CIITA: variants seen among roughly 807,000 people sequenced by gnomAD.
CIITA encodes MHC class II transactivator.
A neutral mutation model predicts 115.1 loss-of-function variants in CIITA; 72 were observed. The observed-to-expected ratio is 0.63, with a 90% CI of 0.52 to 0.76. The LOEUF (loss-of-function observed/expected upper bound fraction) is 0.76. Ranked by LOEUF, CIITA falls within the 30% of genes least tolerant of loss-of-function variation. The pLI, the probability that CIITA is intolerant of heterozygous loss-of-function variation, is 0.00. For synonymous variants in CIITA, 763 were observed against 635.6 expected (o/e 1.20, Z -3.02); for missense variants, 1,617 against 1,463.8 (o/e 1.10, Z -1.71).
intron 13 of CIITA, among the ~76,000 whole-genome samples, chr16:10,914,201 A>C (rs1371535468): frequency 6.6e-6 from 1 of 152,162 alleles, no homozygotes; most frequent in Admixed American, 6.5e-5. Context: ...TTAACAACGA[A>C]TGCCTTAATC....
In CIITA at chr16:10,879,959, C is replaced by A. The variant is rs1341109186; in HGVS notation, c.52+2577C>A. Reference sequence around the variant, plus strand: ...GCATGGCTCCCTCCCCAGCCGCAGCCTGGAGTGTCTAACTTTGGCAGGAAG... The same window carrying A: ...GCATGGCTCCCTCCCCAGCCGCAGCATGGAGTGTCTAACTTTGGCAGGAAG... On this transcript the variant is annotated intron_variant, in intron 1 of 19. Transcript: ENST00000324288. This position sits in a 1 kb window ranked among gnomAD's most constrained non-coding sequence, Gnocchi z 4.3. Among the ~76,000 whole-genome samples the A allele has an allele frequency of 6.6e-6, 1 of 152,208 alleles. No homozygotes were observed. Among genetic ancestry groups the A allele is most frequent in the Non-Finnish European group, 1.5e-5 (1 of 68,026 alleles).
chr16:10,866,222 G>A (rs1024498160), upstream of CIITA: 3 of 449,988 alleles, frequency 6.7e-6, no homozygotes, highest in Non-Finnish European at 1.3e-5. Context: ...TGTTTTGGAT[G>A]CTGCATGCTG....
At chr16:10,919,498 G>A (rs1370052843) in intron 16 of CIITA, among the ~76,000 whole-genome samples, 1 of 124,784 alleles carries the variant, frequency 8.0e-6, no homozygotes, top group African/African-American at 2.7e-5. Flanking sequence ...ACCATGCCCG[G>A]CCAACTTATT....
chr16:10,880,960 C>T (rs986903825), intron 1 of CIITA, among the ~76,000 whole-genome samples: 1 of 152,080 alleles, frequency 6.6e-6, no homozygotes, highest in East Asian at 1.9e-4. Flanking sequence ...TATTATAGAT[C>T]CTAAAGGGAT....
chr16:10,882,881 G>C (rs1043490304), intron 1 of CIITA, among the ~76,000 whole-genome samples: 1 of 152,190 alleles, frequency 6.6e-6, no homozygotes, highest in Non-Finnish European at 1.5e-5. Context: ...TGGGCAACAA[G>C]AGTGAAACTC....
chr16:10,916,261 G>A, intron 14 of CIITA, 106 bp from the exon 15 acceptor site: 1 of 974,580 alleles, frequency 1.0e-6, no homozygotes. Flanking sequence ...TAGAGCTGGG[G>A]GGTGGGAAGG....
rs756389610 is a variant in CIITA at position 10,928,142 on chromosome 16, A to C, written c.*4287A>C. The C allele has an allele frequency of 6.6e-6, 1 of 151,638 alleles. No individual in the cohort carries two copies. The highest frequency in any genetic ancestry group is 1.5e-5 in the Non-Finnish European group (1 of 67,942). The allele number at this position is 151,638 out of a possible 1,614,324, so 9.4% of individuals were successfully genotyped here. A position where few individuals can be genotyped will look rare whatever the true frequency, so the allele number is the denominator to read the frequency against. On this transcript the variant is annotated 3_prime_UTR_variant, in exon 20 of 20. Coordinates refer to ENST00000324288, the MANE Select transcript of CIITA (RefSeq NM_000246.4). ...CTCCCCCCAGAGTTCTGCCGCCTGT[A>C]CTCTCCCACACCTCAGTCTCCTCGC...
Position 10,909,125 on chromosome 16 carries a change from G to C in CIITA, c.2754G>C (p.Glu918Asp). 6.2e-7 allele frequency: 1 copy of C among 1,614,210 alleles called. No individual in the cohort carries two copies. The highest frequency in any genetic ancestry group is 1.1e-5 in the South Asian group (1 of 91,086). Residue 918 changes from glutamate to aspartate, a missense_variant, in exon 12 of 20, where the codon GAG (glutamate) becomes GAC (aspartate). Physicochemically the swap from Glu to Asp is conservative, Grantham distance 45. Coordinates refer to ENST00000324288, the MANE Select transcript of CIITA (RefSeq NM_000246.4). ...LQAAEEKFTI[E>D]PFKAKSLKDV... ...CAGCAGAGGAGAAGTTCACCATCGAGCCTTTCAAAGCCAAGTCCCTGAAGG... is the reference window on the plus strand; with the variant it reads ...CAGCAGAGGAGAAGTTCACCATCGACCCTTTCAAAGCCAAGTCCCTGAAGG...
At chr16:10,877,454 G>A (rs2035936720) in intron 1 of CIITA, 72 bp downstream of exon 1, 1 of 1,488,672 alleles carries the variant, frequency 6.7e-7, no homozygotes, top group Non-Finnish European at 9.2e-7. Context: ...GATAAACAGA[G>A]AAACCATTCT....
rs1375843064 is a variant in CIITA at position 10,925,031 on chromosome 16, C to T, written c.*1176C>T. On this transcript the variant is annotated 3_prime_UTR_variant, in exon 20 of 20. Coordinates refer to ENST00000324288, the MANE Select transcript of CIITA (RefSeq NM_000246.4). ...TGAGCAGGGCTCAGCGGGGACAGCT[C>T]CTTCTGTCCTACTCTGTGTCAGGTG... 1.3e-5 allele frequency: 2 copies of T among 152,260 alleles called. No individual in the cohort carries two copies. Among genetic ancestry groups the T allele is most frequent in the Admixed American group, 6.5e-5 (1 of 15,280 alleles). 9.4% of individuals were successfully genotyped at this position (152,260 alleles called of 1,614,324 possible). A position where few individuals can be genotyped will look rare whatever the true frequency, so the allele number is the denominator to read the frequency against.
chr16:10,873,339 C>A (rs1236347473), upstream of CIITA, among the ~76,000 whole-genome samples: 2 of 152,212 alleles, frequency 1.3e-5, no homozygotes, highest in Non-Finnish European at 2.9e-5. Flanking sequence ...TGATCCTAGA[C>A]ATTAACAGAT....
upstream of CIITA, among the ~76,000 whole-genome samples, chr16:10,876,672 A>G (rs547699292): frequency 5.3e-5 from 8 of 152,346 alleles, no homozygotes; most frequent in African/African-American, 1.7e-4. Context: ...TATTTGGGTT[A>G]ACACTCTTTT....
rs2040599309 is a variant in CIITA, at chr16:10,927,916, G to C, written c.*4061G>C. Reference sequence around the variant, plus strand: ...GCGCTGCTCGGAGGAATCAGGGCATGATAGTGCAATTCCATGTCCAGTGGA... The same window carrying C: ...GCGCTGCTCGGAGGAATCAGGGCATCATAGTGCAATTCCATGTCCAGTGGA... On this transcript the variant is annotated 3_prime_UTR_variant, in exon 20 of 20. Transcript: ENST00000324288. 1 of 152,242 alleles carries C rather than the reference G, an allele frequency of 6.6e-6. No homozygotes were observed. Among genetic ancestry groups the C allele is most frequent in the Non-Finnish European group, 1.5e-5 (1 of 68,060 alleles). 9.4% of individuals were successfully genotyped at this position (152,242 alleles called of 1,614,324 possible).
rs2145377302 is a variant in CIITA at position 10,933,894 on chromosome 16, C to G, written c.*10039C>G. On this transcript the variant is annotated 3_prime_UTR_variant, in exon 20 of 20. Coordinates refer to ENST00000324288, the MANE Select transcript of CIITA (RefSeq NM_000246.4). ...GTGACAGGCTATGTGGCAGGAGGGT[C>G]TCTACCTTATCTCAGAATGAAGGCA... 1 of 152,340 alleles carries G rather than the reference C, an allele frequency of 6.6e-6. No homozygotes were observed. Among genetic ancestry groups the G allele is most frequent in the South Asian group, 2.1e-4 (1 of 4,820 alleles). The allele number at this position is 152,340 out of a possible 1,614,324, so 9.4% of individuals were successfully genotyped here.
chr16:10,911,473 TTC>T (rs1472329135), intron 13 of CIITA, among the ~76,000 whole-genome samples: 1 of 150,932 alleles, frequency 6.6e-6, no homozygotes, highest in Non-Finnish European at 1.5e-5. Context: ...TCCTTTCTCT[TTC>T]TTTCTTTCCA....
Position 10,923,743 on chromosome 16 carries a change from G to T in CIITA, c.*23-135G>T. 1 of 203,766 alleles carries T rather than the reference G, an allele frequency of 4.9e-6. No individual in the cohort carries two copies. The highest frequency in any genetic ancestry group is 1.0e-5 in the Non-Finnish European group (1 of 98,952). 12.6% of individuals were successfully genotyped at this position (203,766 alleles called of 1,614,324 possible). A position where few individuals can be genotyped will look rare whatever the true frequency, so the allele number is the denominator to read the frequency against. ...ACTGTCCCCCAGCCCTGTGCTCCCC[G>T]CACTGTGCTGCACGTCCACCTCCAT... is the stretch of plus-strand genomic sequence containing the variant. On this transcript the variant is annotated intron_variant, in intron 19 of 19. Coordinates refer to ENST00000324288, the MANE Select transcript of CIITA (RefSeq NM_000246.4). This position sits in a 1 kb window ranked among gnomAD's most constrained non-coding sequence, Gnocchi z 5.2.
rs768273700 is a variant in CIITA at position 10,907,868 on chromosome 16, C to T, written c.2376C>T (p.Tyr792=). ...GGAAGCAGAAGGTGCTTGCGAGGTACCTGAAGCGGCTGCAGCCGGGGACAC... is the reference window on the plus strand; with the variant it reads ...GGAAGCAGAAGGTGCTTGCGAGGTATCTGAAGCGGCTGCAGCCGGGGACAC... ...VDRKQKVLAR[Y]LKRLQPGTLR... is the part of the protein sequence containing the mutation. The change falls in exon 11 of 20, where the codon TAC becomes TAT. Residue 792 remains tyrosine, a synonymous_variant. Coordinates refer to ENST00000324288, the MANE Select transcript of CIITA (RefSeq NM_000246.4). The surrounding 1 kb of genome is among the most constrained non-coding windows in gnomAD (Gnocchi z 5.0). 4 of 1,608,510 alleles carry T rather than the reference C, an allele frequency of 2.5e-6. No homozygotes were observed. Among genetic ancestry groups the T allele is most frequent in the Middle Eastern group, 1.7e-4 (1 of 6,020 alleles).
chr16:10,875,607 A>C (rs562991746), upstream of CIITA, among the ~76,000 whole-genome samples: 1 of 152,300 alleles, frequency 6.6e-6, no homozygotes, highest in Admixed American at 6.5e-5. Flanking sequence ...TGTTTTCCAC[A>C]TAACACTTTA....
rs759796074 is a variant in CIITA at position 10,906,521 on chromosome 16, C to T, written c.1029C>T (p.Arg343=). 1.2e-6 allele frequency: 2 copies of T among 1,612,214 alleles called. No individual in the cohort carries two copies. Among genetic ancestry groups the T allele is most frequent in the Non-Finnish European group, 1.7e-6 (2 of 1,179,926 alleles). The change falls in exon 11 of 20, where the codon CGC becomes CGT. Residue 343 remains arginine (R), a synonymous_variant. Coordinates refer to ENST00000324288, the MANE Select transcript of CIITA (RefSeq NM_000246.4). ...KWPEPVEQFY[R]SLQDTYGAEP... ...CAGAGCCGGTGGAGCAGTTCTACCG[C>T]TCACTGCAGGACACGTATGGTGCCG...
Sources: gnomAD v4.1 joint callset for allele counts (sites outside exome capture counted in the v4.1 genomes callset) on GRCh38, gnomAD v4.1.1 for gene constraint, Gnocchi (gnomAD v3.1) non-coding constraint, MANE v1.5 for transcripts, NCBI Gene and HGNC (gene_info 2026-07-23, HGNC 2026-07-21) for gene names.